Variants in NAV3 observed in about 807,000 individuals in gnomAD.
The protein encoded by NAV3 is neuron navigator 3.
A neutral mutation model predicts 244.7 loss-of-function variants in NAV3; 87 were observed. That is an observed-to-expected ratio of 0.36 (90% CI 0.30 to 0.42). NAV3 has a LOEUF of 0.42. Ranked by LOEUF, NAV3 falls within the 20% of genes least tolerant of loss-of-function variation. NAV3 has a pLI of 1.00. For missense variants in NAV3, 2,663 were observed against 2,893.3 expected, an observed-to-expected ratio of 0.92 and a Z score of 1.83; for synonymous variants, 1,126 against 1,042.2, an observed-to-expected ratio of 1.08 and a Z score of -1.55.
At chr12:77,592,111 C>T (rs1234376778) in intron 2 of NAV3, among the ~76,000 whole-genome samples, 1 of 152,142 alleles carries the variant, frequency 6.6e-6, no homozygotes, top group East Asian at 1.9e-4. Context: ...CTAGCTCATT[C>T]GGCTTCCCTC....
rs913048242 is a variant in NAV3 at position 78,021,727 on chromosome 12, A to G, written c.1908-20A>G. ...GTGACTATAACTGCTATTTCTTTCT[A>G]TTTTCATGGTTAATTTCAGGGCACA... On this transcript the variant is annotated intron_variant, in intron 8 of 39. Transcript: ENST00000397909. The G allele has an allele frequency of 6.4e-6, 10 of 1,557,054 alleles. No individual in the cohort carries two copies. In the Admixed American group the frequency reaches 1.4e-4, roughly 21 times the overall value.
intron 12 of NAV3, among the ~76,000 whole-genome samples, chr12:78,077,535 G>A (rs1280478960): frequency 1.3e-5 from 2 of 152,330 alleles, no homozygotes; most frequent in Admixed American, 6.5e-5. Context: ...CCATGGTGGT[G>A]AAACAAATCC....
chr12:78,040,512 G>A (rs73141912), intron 9 of NAV3, among the ~76,000 whole-genome samples: 251 of 152,268 alleles, frequency 1.6e-3, no homozygotes, highest in Middle Eastern at 3.4e-3. Flanking sequence ...TAGTGAAACA[G>A]CATGTCTGAA....
chr12:77,798,681 T>TGGA (rs1871550873), intron 2 of NAV3, among the ~76,000 whole-genome samples: 1 of 152,172 alleles, frequency 6.6e-6, no homozygotes, highest in South Asian at 2.1e-4. Context: ...TAATTATTGT[T>TGGA]GGAGGAAACT....
intron 21 of NAV3, 112 bp downstream of exon 21, chr12:78,146,504 G>C (rs1370891313): frequency 5.8e-6 from 2 of 347,514 alleles, no homozygotes; most frequent in African/African-American, 4.2e-5. Context: ...GAACTCCACA[G>C]GACTGCTGAA....
chr12:78,168,973 CATACTAGTTGTATTAATAGTT>C (rs1957891750), intron 24 of NAV3, 107 bp downstream of exon 24: 1 of 656,058 alleles, frequency 1.5e-6, no homozygotes, highest in Non-Finnish European at 2.6e-6. Flanking sequence ...ATTATTAATA[CATACTAGTTGTATTAATAGTT>C]GTATTAATAC....
At chr12:78,176,591 CT>C (rs1958238275) in intron 26 of NAV3, 132 bp downstream of exon 26, 1 of 829,524 alleles carries the variant, frequency 1.2e-6, no homozygotes, top group South Asian at 1.8e-5. Context: ...TTCTTTGTGT[CT>C]TTTCATTTTA....
chr12:78,058,866 A>T, intron 11 of NAV3, 130 bp from the exon 12 acceptor site: 1 of 708,078 alleles, frequency 1.4e-6, no homozygotes, highest in Non-Finnish European at 2.1e-6. Context: ...GTTTATACAG[A>T]ATAAAAAACA....
intron 30 of NAV3, among the ~76,000 whole-genome samples, chr12:78,182,878 T>C (rs1483144171): frequency 6.6e-6 from 1 of 151,996 alleles, no homozygotes; most frequent in African/African-American, 2.4e-5. Context: ...GGTTCAACAC[T>C]TGGAAATCAA....
intron 9 of NAV3, among the ~76,000 whole-genome samples, chr12:78,027,318 A>G (rs968336194): frequency 1.3e-5 from 2 of 152,014 alleles, no homozygotes; most frequent in East Asian, 1.9e-4. Flanking sequence ...TGTGTAGCAC[A>G]TGTGTAGTCC....
At chr12:78,085,782 C>A (rs1953602879) in intron 12 of NAV3, among the ~76,000 whole-genome samples, 1 of 152,150 alleles carries the variant, frequency 6.6e-6, no homozygotes, top group South Asian at 2.1e-4. Flanking sequence ...GGGAACACAG[C>A]ATTTTGGCAA....
intron 2 of NAV3, among the ~76,000 whole-genome samples, chr12:77,670,481 CAAAA>C (rs1200672599): frequency 6.6e-6 from 1 of 151,574 alleles, no homozygotes; most frequent in African/African-American, 2.4e-5. Context: ...GGAAAGACAG[CAAAA>C]AAAGAAAACT....
At chr12:78,052,462 A>T (rs142153239) in intron 11 of NAV3, among the ~76,000 whole-genome samples, 27 of 152,296 alleles carry the variant, frequency 1.8e-4, no homozygotes, top group African/African-American at 6.3e-4. Flanking sequence ...TATCCAAATT[A>T]GTTTTTGTCA....
At chr12:77,668,984 G>A (rs1038565408) in intron 2 of NAV3, among the ~76,000 whole-genome samples, 2 of 152,056 alleles carry the variant, frequency 1.3e-5, no homozygotes, top group Non-Finnish European at 2.9e-5. Flanking sequence ...AAGGGAATGG[G>A]GTCCTATTTT....
intron 5 of NAV3, among the ~76,000 whole-genome samples, chr12:77,974,190 A>G (rs867032813): frequency 1.3e-5 from 2 of 152,042 alleles, no homozygotes; most frequent in African/African-American, 4.8e-5. Flanking sequence ...ATTTGGAGTG[A>G]TAAAGACTTG....
At chr12:78,162,786 T>C (rs1474725181) in intron 23 of NAV3, among the ~76,000 whole-genome samples, 2 of 149,168 alleles carry the variant, frequency 1.3e-5, no homozygotes, top group African/African-American at 4.9e-5. Context: ...CACTTGAACC[T>C]GGGAGGTGGA....
intron 23 of NAV3, among the ~76,000 whole-genome samples, chr12:78,160,587 G>C (rs1957501498): frequency 6.6e-6 from 1 of 152,040 alleles, no homozygotes; most frequent in South Asian, 2.1e-4. Flanking sequence ...TAAGTTATGT[G>C]ATTAGCTTTA....
chr12:78,141,177 C>A (rs1304943418), intron 20 of NAV3, among the ~76,000 whole-genome samples: 2 of 152,132 alleles, frequency 1.3e-5, no homozygotes, highest in African/African-American at 4.8e-5. Context: ...CAGGTGTAAG[C>A]CAGCACACTT....
At chr12:78,071,729 G>A (rs1224988430) in intron 12 of NAV3, among the ~76,000 whole-genome samples, 2 of 152,002 alleles carry the variant, frequency 1.3e-5, no homozygotes, top group African/African-American at 4.8e-5. Flanking sequence ...ATTAAATAAG[G>A]AATCCTTTCC....
Sources: allele counts gnomAD v4.1 joint callset (sites outside exome capture counted in the v4.1 genomes callset), GRCh38; gene constraint gnomAD v4.1.1; transcripts MANE v1.5; gene names NCBI Gene and HGNC (gene_info 2026-07-23, HGNC 2026-07-21).